The following IL2RB variants were observed in gnomAD, a reference collection of about 807,000 sequenced individuals.
The protein encoded by IL2RB is interleukin 2 receptor subunit beta.
In IL2RB, 17 loss-of-function variants were observed where a neutral mutation model predicts 44.2. The ratio of observed to expected loss-of-function variants is 0.38; its 90% CI spans 0.26 to 0.58. The LOEUF is 0.58. Among genes scored for constraint, IL2RB ranks in the 20% least tolerant of loss-of-function variants. IL2RB has a pLI of 0.63. For synonymous variants in IL2RB, 286 were observed against 297.9 expected (o/e 0.96, Z 0.41); for missense variants, 624 against 685.5 (o/e 0.91, Z 1.00).
rs140182148 is a variant in IL2RB at position 37,128,768 on chromosome 22, C to T, written c.984G>A (p.Leu328=). The change falls in exon 10 of 10, where the codon CTG becomes CTA. Residue 328 remains leucine, a synonymous_variant. Coordinates refer to ENST00000216223, the MANE Select transcript of IL2RB (RefSeq NM_000878.5). The surrounding 1 kb of genome is among the most constrained non-coding windows in gnomAD (Gnocchi z 4.5). ...LAPEISPLEV[L]ERDKVTQLLL... ...GCAGCTGCGTCACCTTGTCCCTCTC[C>T]AGCACTTCTAGTGGCGAGATCTCAG... 3.7e-6 allele frequency: 6 copies of T among 1,613,944 alleles called. No homozygotes were observed. Among genetic ancestry groups the T allele is most frequent in the East Asian group, 2.2e-5 (1 of 44,902 alleles).
chr22:37,172,809 G>T (rs1360475111), intron 1 of IL2RB, among the ~76,000 whole-genome samples: 1 of 152,142 alleles, frequency 6.6e-6, no homozygotes, highest in East Asian at 1.9e-4. Context: ...GTCGGCTCTG[G>T]TGCAAGCTGG....
rs143132364 is a variant in IL2RB at position 37,144,148 on chromosome 22, G to A, written c.25C>T (p.Arg9Cys). The A allele has an allele frequency of 1.0e-5, 16 of 1,551,868 alleles. No individual in the cohort carries two copies. In the African/African-American group the frequency reaches 1.6e-4, roughly 16 times the overall value. ...AGGAGGAGGATGAGGAGGGGCAGACGCCAGGACAGAGCAGGGGCCGCCATT... is the reference window on the plus strand; with the variant it reads ...AGGAGGAGGATGAGGAGGGGCAGACACCAGGACAGAGCAGGGGCCGCCATT... MAAPALSW[R>C]LPLLILLLPL... The change falls in exon 2 of 10, where the codon CGT becomes TGT. Residue 9 changes from arginine (R) to cysteine (C), a missense_variant. Transcript: ENST00000216223.
At chr22:37,145,696 T>A (rs1922190020) in intron 1 of IL2RB, among the ~76,000 whole-genome samples, 1 of 151,748 alleles carries the variant, frequency 6.6e-6, no homozygotes, top group Non-Finnish European at 1.5e-5. Context: ...CAGGGAAAGA[T>A]GAGGGTAGCC....
chr22:37,171,414 G>A (rs749337970), intron 1 of IL2RB, among the ~76,000 whole-genome samples: 1 of 152,204 alleles, frequency 6.6e-6, no homozygotes, highest in South Asian at 2.1e-4. Context: ...CTAGTGGGGA[G>A]TGGGGTGAGA....
chr22:37,136,154 G>A, intron 7 of IL2RB, 74 bp downstream of exon 7: 6 of 1,475,312 alleles, frequency 4.1e-6, no homozygotes, highest in Non-Finnish European at 4.6e-6. Context: ...CAGGCAGGGA[G>A]AGAATGGAGC....
rs564926447 is a variant in IL2RB, at chr22:37,139,097, A to G, written c.388+20T>C. ...AGGTGCCCAGCCCTGCCCCAGCCCC[A>G]CCCTGGCTTCCTCACTCACGGTTCT... is the stretch of plus-strand genomic sequence containing the variant. On this transcript the variant is annotated intron_variant, in intron 5 of 9. Transcript: ENST00000216223. 9 of 1,530,560 alleles carry G rather than the reference A, an allele frequency of 5.9e-6. No homozygotes were observed. In the South Asian group the frequency reaches 9.0e-5, roughly 15 times the overall value. The allele number at this position is 1,530,560 out of a possible 1,614,324, so 94.8% of individuals were successfully genotyped here.
chr22:37,167,324 C>G (rs915313887), intron 1 of IL2RB, among the ~76,000 whole-genome samples: 1 of 152,158 alleles, frequency 6.6e-6, no homozygotes, highest in South Asian at 2.1e-4. Flanking sequence ...CAGCCCCAGC[C>G]GGCACCCTCA....
intron 3 of IL2RB, among the ~76,000 whole-genome samples, chr22:37,142,982 T>TC (rs1922042040): frequency 6.7e-6 from 1 of 150,316 alleles, no homozygotes; most frequent in African/African-American, 2.4e-5. Context: ...CTCTCTGTGG[T>TC]CTTCCTCTTC....
chr22:37,164,008 C>T (rs766513397), intron 1 of IL2RB, among the ~76,000 whole-genome samples: 3 of 152,250 alleles, frequency 2.0e-5, no homozygotes, highest in Non-Finnish European at 4.4e-5. Context: ...AGGTGCTTTG[C>T]TGTTCCCACA....
intron 1 of IL2RB, among the ~76,000 whole-genome samples, chr22:37,164,242 C>G (rs1006607606): frequency 6.6e-6 from 1 of 152,104 alleles, no homozygotes; most frequent in African/African-American, 2.4e-5. Context: ...CCCGAGAACC[C>G]CAGCCTCACT....
At position 37,130,176 on chromosome 22, in the gene IL2RB, G is replaced by C. The variant is rs544470271; in HGVS notation, c.904-1328C>G. 2.6e-5 allele frequency among the ~76,000 whole-genome samples: 4 copies of C among 152,364 alleles called. No individual in the cohort carries two copies. In the South Asian group the frequency reaches 8.3e-4, roughly 32 times the overall value. The stretch of plus-strand genomic sequence containing the variant: ...AGGATAAACTGAGGATGGCAAAGAG[G>C]GTCGCTGGCTGGGCAGAGAGGAAGA... On this transcript the variant is annotated intron_variant, in intron 9 of 9. Coordinates refer to ENST00000216223, the MANE Select transcript of IL2RB (RefSeq NM_000878.5).
At chr22:37,155,253 T>A (rs1922639215) in intron 1 of IL2RB, among the ~76,000 whole-genome samples, 1 of 152,146 alleles carries the variant, frequency 6.6e-6, no homozygotes, top group Admixed American at 6.5e-5. Flanking sequence ...AGCAGGCCCA[T>A]GGTGGCCTCC....
At position 37,127,821 on chromosome 22, in the gene IL2RB, G is replaced by A. The variant is rs192146486; in HGVS notation, c.*275C>T. 127 of 320,844 alleles carry A rather than the reference G, an allele frequency of 4.0e-4. 1 individual carries two copies. Among genetic ancestry groups the A allele is most frequent in the African/African-American group, 1.8e-3 (84 of 47,036 alleles). The allele number at this position is 320,844 out of a possible 1,614,324, so 19.9% of individuals were successfully genotyped here. ...GAGCGATGCTTCTGAGCCTAAATTC[G>A]TGGGATCCTGTGATTAACGAGGGAG... On this transcript the variant is annotated 3_prime_UTR_variant, in exon 10 of 10. Transcript: ENST00000216223.
At chr22:37,158,651 G>A (rs972049925) in intron 1 of IL2RB, among the ~76,000 whole-genome samples, 2 of 152,220 alleles carry the variant, frequency 1.3e-5, no homozygotes, top group East Asian at 3.8e-4. Context: ...CAGAATACAC[G>A]TGGGTGCACC....
intron 1 of IL2RB, among the ~76,000 whole-genome samples, chr22:37,147,179 A>G (rs1383913809): frequency 6.6e-6 from 1 of 152,210 alleles, no homozygotes; most frequent in Non-Finnish European, 1.5e-5. Flanking sequence ...GCCAGGCTCC[A>G]TTTAAAACTC....
chr22:37,128,362 G>A lies in IL2RB; in HGVS notation c.1390C>T (p.Pro464Ser). 6.6e-7 allele frequency: 1 copy of A among 1,507,682 alleles called. No homozygotes were observed. The highest frequency in any genetic ancestry group is 2.3e-5 in the East Asian group (1 of 43,402). The allele number at this position is 1,507,682 out of a possible 1,614,324, so 93.4% of individuals were successfully genotyped here. The change falls in exon 10 of 10, where the codon CCC becomes TCC. Residue 464 changes from proline (P) to serine (S), a missense_variant. Pro to Ser is a moderately conservative substitution (Grantham distance 74, BLOSUM62 -1). Around this residue, in one of 3 missense-constraint regions of IL2RB, gnomAD observed 291 missense variants for 275.5 expected, o/e 1.06. Transcript: ENST00000216223. The surrounding 1 kb of genome is among the most constrained non-coding windows in gnomAD (Gnocchi z 4.5). ...AGGGGCTGGGGGTCCCAGTCTCTGG[G>A]GACTCTTTCTTGCAAAGAAGGGGGC... ...RMPPSLQERV[P>S]RDWDPQPLGP...
Position 37,144,095 on chromosome 22 carries a change from T to A in IL2RB, c.78A>T (p.Ala26=), listed in dbSNP as rs1323280827. 1 of 1,552,210 alleles carries A rather than the reference T, an allele frequency of 6.4e-7. No individual in the cohort carries two copies. The highest frequency in any genetic ancestry group is 8.7e-7 in the Non-Finnish European group (1 of 1,147,164). The part of the protein sequence containing the change: ...LLPLATSWAS[A]AVNGTSQFTC... Reference sequence around the variant, plus strand: ...TGTCAGGGTCCTCACCATTCACCGCTGCAGATGCCCAAGAGGTAGCCAGGG... The same window carrying A: ...TGTCAGGGTCCTCACCATTCACCGCAGCAGATGCCCAAGAGGTAGCCAGGG... Residue 26 remains alanine, a synonymous_variant, in exon 2 of 10, where the codon GCA becomes GCT. Coordinates refer to ENST00000216223, the MANE Select transcript of IL2RB (RefSeq NM_000878.5).
In IL2RB at chr22:37,161,642, A is replaced by G. The variant is rs373588645; in HGVS notation, c.-34+13316T>C. 2.1e-4 allele frequency among the ~76,000 whole-genome samples: 32 copies of G among 150,578 alleles called. No homozygotes were observed. The East Asian group carries it at 5.3e-3, about 25-fold the overall frequency. Reference sequence around the variant, plus strand: ...CAATCAGAAGCCTCAGTTCCAGACCACAGGCTGGGAAAGTGAGCATGTGAC... The same window carrying G: ...CAATCAGAAGCCTCAGTTCCAGACCGCAGGCTGGGAAAGTGAGCATGTGAC... On this transcript the variant is annotated intron_variant, in intron 1 of 5. Transcript: ENST00000429622.
chr22:37,157,717 C>T (rs1287201779), intron 1 of IL2RB, among the ~76,000 whole-genome samples: 1 of 152,204 alleles, frequency 6.6e-6, no homozygotes, highest in African/African-American at 2.4e-5. Flanking sequence ...GGGCACAAGC[C>T]AGTTACCATA....
Sources: gnomAD v4.1 joint callset for allele counts (sites outside exome capture counted in the v4.1 genomes callset) on GRCh38, gnomAD v4.1.1 for gene constraint, gnomAD v4.1.1 regional missense constraint, Gnocchi (gnomAD v3.1) non-coding constraint, MANE v1.5 for transcripts, NCBI Gene and HGNC (gene_info 2026-07-23, HGNC 2026-07-21) for gene names.